The following DOCK2 variants were observed in gnomAD, a reference collection of about 807,000 sequenced individuals.
DOCK2 encodes the protein dedicator of cytokinesis protein 2.
In DOCK2, 87 loss-of-function variants were observed where a neutral mutation model predicts 248.9. That is an observed-to-expected ratio of 0.35 (90% confidence interval 0.29 to 0.42). The LOEUF (loss-of-function observed/expected upper bound fraction) is 0.42, where lower values mean the gene tolerates loss of function less well. Ranked by LOEUF, DOCK2 falls within the 10% of genes least tolerant of loss-of-function variation. The pLI, the probability that DOCK2 is intolerant of heterozygous loss-of-function variation, is 1.00. For missense variants in DOCK2, 1,747 were observed against 2,300.2 expected, an observed-to-expected ratio of 0.76 and a Z score of 4.92; for synonymous variants, 805 against 821.6, an observed-to-expected ratio of 0.98 and a Z score of 0.35.
chr5:169,736,318 T>G (rs1763039933), intron 22 of DOCK2, among the ~76,000 whole-genome samples: 1 of 152,172 alleles, frequency 6.6e-6, no homozygotes, highest in African/African-American at 2.4e-5. Context: ...GTCAGCAGGG[T>G]CTGGTAGCTG....
chr5:170,068,887 A>G (rs1757584319), intron 45 of DOCK2, among the ~76,000 whole-genome samples: 1 of 152,188 alleles, frequency 6.6e-6, no homozygotes, highest in South Asian at 2.1e-4. Context: ...TGTTGCTGCT[A>G]CTGGCTCAGG....
chr5:169,952,726 A>G (rs1776709769), intron 27 of DOCK2, among the ~76,000 whole-genome samples: 1 of 152,178 alleles, frequency 6.6e-6, no homozygotes, highest in Non-Finnish European at 1.5e-5. Context: ...GAATGGAGAC[A>G]TCTCAGGTAG....
At chr5:169,710,675 C>T (rs1219421705) in intron 15 of DOCK2, among the ~76,000 whole-genome samples, 1 of 152,184 alleles carries the variant, frequency 6.6e-6, no homozygotes, top group Non-Finnish European at 1.5e-5. Context: ...ACAAGATGCA[C>T]ACTTGACTTC....
chr5:169,728,144 T>G (rs1762586042), intron 22 of DOCK2, among the ~76,000 whole-genome samples: 1 of 152,224 alleles, frequency 6.6e-6, no homozygotes, highest in Non-Finnish European at 1.5e-5. Flanking sequence ...CTCTGGACTT[T>G]CTGGTCCATT....
chr5:169,844,586 T>C (rs1056440701), intron 27 of DOCK2, among the ~76,000 whole-genome samples: 2 of 152,332 alleles, frequency 1.3e-5, no homozygotes, highest in African/African-American at 4.8e-5. Context: ...CCCCCAGCAA[T>C]GTTTGAGGTT....
At chr5:169,866,163 C>G (rs1771544085) in intron 27 of DOCK2, among the ~76,000 whole-genome samples, 1 of 152,098 alleles carries the variant, frequency 6.6e-6, no homozygotes, top group Non-Finnish European at 1.5e-5. Context: ...GAAAGGGTAT[C>G]TGATTGTTTT....
At chr5:170,082,067 G>T (rs1581582687) in intron 51 of DOCK2, 83 bp downstream of exon 51, 1 of 1,553,530 alleles carries the variant, frequency 6.4e-7, no homozygotes, top group South Asian at 1.2e-5. Flanking sequence ...AAAATGGGGG[G>T]TTGTGTGTGC....
intron 26 of DOCK2, among the ~76,000 whole-genome samples, chr5:169,830,020 A>C (rs1261360852): frequency 6.6e-6 from 1 of 152,218 alleles, no homozygotes; most frequent in Non-Finnish European, 1.5e-5. Context: ...AGGATCCCTG[A>C]TGTGGGGATA....
At chr5:170,074,822 G>A (rs1379715394) in intron 46 of DOCK2, among the ~76,000 whole-genome samples, 2 of 152,322 alleles carry the variant, frequency 1.3e-5, no homozygotes, top group East Asian at 3.9e-4. Flanking sequence ...TCCTGATACA[G>A]AACTTCAACA....
intron 27 of DOCK2, among the ~76,000 whole-genome samples, chr5:169,951,514 T>A (rs970471826): frequency 3.3e-4 from 51 of 152,302 alleles, no homozygotes; most frequent in Middle Eastern, 3.4e-3. Flanking sequence ...CCTGCTCCAT[T>A]CTGGAGGTTC....
At chr5:169,748,565 C>A (rs1231694625) in intron 23 of DOCK2, among the ~76,000 whole-genome samples, 2 of 152,198 alleles carry the variant, frequency 1.3e-5, no homozygotes, top group Non-Finnish European at 2.9e-5. Flanking sequence ...GGGAAGGCAA[C>A]TATCTTATTC....
chr5:169,713,941 C>T, intron 17 of DOCK2, 87 bp from the exon 18 acceptor site: 1 of 1,427,622 alleles, frequency 7.0e-7, no homozygotes, highest in South Asian at 1.5e-5. Flanking sequence ...CTCCCCACTT[C>T]ACAGTGTCTA....
chr5:169,687,659 A>G lies in DOCK2; in HGVS notation c.762-1593A>G, dbSNP rs575325100. On this transcript the variant is annotated intron_variant, in intron 8 of 51. Transcript: ENST00000520908. ...ATCTGATGACTCAACTCAGCAAACT[A>G]TATTAAGCTTCTTCTAACTTAAATA... Among the ~76,000 whole-genome samples the G allele has an allele frequency of 1.1e-4, 16 of 152,346 alleles. 1 individual carries two copies. Among genetic ancestry groups the G allele is most frequent in the Middle Eastern group, 3.4e-3 (1 of 294 alleles).
At chr5:169,869,658 C>T (rs984818071) in intron 27 of DOCK2, among the ~76,000 whole-genome samples, 3 of 152,154 alleles carry the variant, frequency 2.0e-5, no homozygotes, top group African/African-American at 7.2e-5. Context: ...TTAGCTACTA[C>T]ACCATGCTTA....
chr5:169,775,766 A>T (rs17669636), intron 25 of DOCK2, among the ~76,000 whole-genome samples: 11,882 of 152,124 alleles, frequency 0.078, 991 homozygotes, highest in East Asian at 0.35. Flanking sequence ...TGTCAGCCGA[A>T]CATGAAAGGC....
chr5:169,644,619 C>CTT (rs748896053), intron 1 of DOCK2, among the ~76,000 whole-genome samples: 27 of 140,102 alleles, frequency 1.9e-4, no homozygotes, highest in African/African-American at 3.9e-4. Context: ...TACCACGGTA[C>CTT]TTTTTTTTTT....
chr5:169,656,532 C>T (rs981392885), intron 2 of DOCK2, among the ~76,000 whole-genome samples: 18 of 152,134 alleles, frequency 1.2e-4, no homozygotes, highest in African/African-American at 4.3e-4. Context: ...AGGCTGGTCT[C>T]AAACACCTGG....
At chr5:169,792,662 G>A (rs17669774) in intron 25 of DOCK2, among the ~76,000 whole-genome samples, 15,257 of 152,018 alleles carry the variant, frequency 0.1, 1,230 homozygotes, top group East Asian at 0.34. Flanking sequence ...AGGCAGCTTC[G>A]TCAGCCAGAA....
chr5:169,661,126 A>C (rs1184849298), intron 2 of DOCK2, among the ~76,000 whole-genome samples: 1 of 152,150 alleles, frequency 6.6e-6, no homozygotes, highest in East Asian at 1.9e-4. Flanking sequence ...CTGAGTTTTT[A>C]ATCCAATTTA....
Sources: gnomAD v4.1 joint callset for allele counts (sites outside exome capture counted in the v4.1 genomes callset) on GRCh38, gnomAD v4.1.1 for gene constraint, MANE v1.5 for transcripts, NCBI Gene and HGNC (gene_info 2026-07-23, HGNC 2026-07-21) for gene names.